Variants in CARM1 observed in about 807,000 individuals in gnomAD.
CARM1 encodes the protein histone-arginine methyltransferase CARM1.
In CARM1, 14 loss-of-function variants were observed where a neutral mutation model predicts 72.7. The ratio of observed to expected loss-of-function variants is 0.19; its 90% confidence interval spans 0.13 to 0.30. The LOEUF (loss-of-function observed/expected upper bound fraction) is 0.30. CARM1 is among the 10% of genes least tolerant of loss of function. The probability of loss-of-function intolerance (pLI) is 1.00; values close to 1 mark genes in which losing one functional copy is unlikely to be tolerated. For synonymous variants in CARM1, 333 were observed against 345.5 expected (o/e 0.96, Z 0.40); for missense variants, 432 against 833.7 (o/e 0.52, Z 5.93).
intron 1 of CARM1, among the ~76,000 whole-genome samples, chr19:10,894,432 T>C (rs1031635445): frequency 1.3e-5 from 2 of 152,138 alleles, no homozygotes; most frequent in Admixed American, 1.3e-4. Context: ...TCCCTCTTTT[T>C]ACCTAACTCT....
At chr19:10,899,040 T>TTG (rs1555725986) in intron 1 of CARM1, among the ~76,000 whole-genome samples, 4 of 150,822 alleles carry the variant, frequency 2.7e-5, no homozygotes, top group African/African-American at 7.3e-5. Context: ...CTTGTTTTTT[T>TTG]TTTTTTTTTT....
intron 1 of CARM1, among the ~76,000 whole-genome samples, chr19:10,876,407 C>G (rs1321299703): frequency 6.6e-6 from 1 of 152,204 alleles, no homozygotes; most frequent in Non-Finnish European, 1.5e-5. Context: ...AGGAGGAGCC[C>G]CCTATGCTCC....
intron 1 of CARM1, among the ~76,000 whole-genome samples, chr19:10,890,214 C>T (rs1225218763): frequency 2.0e-5 from 3 of 151,650 alleles, no homozygotes; most frequent in Non-Finnish European, 4.4e-5. Flanking sequence ...TAGGGAGACC[C>T]TGTCTCTACA....
At chr19:10,894,688 C>A (rs886258646) in intron 1 of CARM1, among the ~76,000 whole-genome samples, 2 of 150,820 alleles carry the variant, frequency 1.3e-5, no homozygotes, top group African/African-American at 2.4e-5. Context: ...GCTGCTGCTG[C>A]TTTTCTTCTT....
In CARM1 at chr19:10,915,880, C is replaced by T. The variant is rs974202206; in HGVS notation, c.848-527C>T. On this transcript the variant is annotated intron_variant, in intron 6 of 15. Coordinates refer to ENST00000327064, the MANE Select transcript of CARM1 (RefSeq NM_199141.2). The surrounding 1 kb of genome is among the most constrained non-coding windows in gnomAD (Gnocchi z 4.6). ...AGGCAGGCCAAGTGGCCCATCCTGCCGGCTGGGTGCCTGTGCCAGAACCTA... is the reference window on the plus strand; with the variant it reads ...AGGCAGGCCAAGTGGCCCATCCTGCTGGCTGGGTGCCTGTGCCAGAACCTA... Among the ~76,000 whole-genome samples the T allele has an allele frequency of 4.6e-5, 7 of 152,190 alleles. No homozygotes were observed. Among genetic ancestry groups the T allele is most frequent in the East Asian group, 1.9e-4 (1 of 5,184 alleles).
Position 10,916,326 on chromosome 19 carries a change from T to C in CARM1, c.848-81T>C. 1 of 927,884 alleles carries C rather than the reference T, an allele frequency of 1.1e-6. No homozygotes were observed. The highest frequency in any genetic ancestry group is 1.7e-6 in the Non-Finnish European group (1 of 572,494). The allele number at this position is 927,884 out of a possible 1,614,324, so 57.5% of individuals were successfully genotyped here. A position where few individuals can be genotyped will look rare whatever the true frequency, so the allele number is the denominator to read the frequency against. On this transcript the variant is annotated intron_variant, in intron 6 of 15. Coordinates refer to ENST00000327064, the MANE Select transcript of CARM1 (RefSeq NM_199141.2). The surrounding 1 kb of genome is among the most constrained non-coding windows in gnomAD (Gnocchi z 4.4). Reference sequence around the variant, plus strand: ...GGCTGGGAGCACCCAGGGTTGGGGGTCTTGGGGTCCTTTGGAAGCTCTGCC... The same window carrying C: ...GGCTGGGAGCACCCAGGGTTGGGGGCCTTGGGGTCCTTTGGAAGCTCTGCC...
chr19:10,904,636 C>T (rs576334794), intron 1 of CARM1, among the ~76,000 whole-genome samples: 3 of 152,250 alleles, frequency 2.0e-5, no homozygotes, highest in Non-Finnish European at 4.4e-5. Context: ...GAGGCAGCTC[C>T]AGCTCTGAGT....
chr19:10,903,849 C>T (rs2074083841), intron 1 of CARM1, among the ~76,000 whole-genome samples: 1 of 152,156 alleles, frequency 6.6e-6, no homozygotes. Flanking sequence ...ACAACAGGCG[C>T]ATGCCACCAT....
At chr19:10,890,273 T>G (rs1052828121) in intron 1 of CARM1, among the ~76,000 whole-genome samples, 49 of 150,574 alleles carry the variant, frequency 3.3e-4, no homozygotes, top group African/African-American at 1.0e-3. Flanking sequence ...TTGTTTGTTT[T>G]TTTTTTTTTT....
At chr19:10,909,640 G>A (rs1247977402) in intron 4 of CARM1, among the ~76,000 whole-genome samples, 2 of 152,118 alleles carry the variant, frequency 1.3e-5, no homozygotes, top group East Asian at 3.9e-4. Flanking sequence ...AGGAGGCTGA[G>A]GCAGGTGAAT....
At chr19:10,900,096 C>T (rs543320278) in intron 1 of CARM1, among the ~76,000 whole-genome samples, 59 of 152,070 alleles carry the variant, frequency 3.9e-4, no homozygotes, top group African/African-American at 1.4e-3. Context: ...TCACTTGAGC[C>T]CCAGGAGTTT....
rs1314039814 is a variant in CARM1, at chr19:10,912,422, T to G, written c.669+128T>G. On this transcript the variant is annotated intron_variant, in intron 5 of 15. Transcript: ENST00000327064. This position sits in a 1 kb window ranked among gnomAD's most constrained non-coding sequence, Gnocchi z 4.5. ...TACTTCTGTGCTTTGGTCTCTTTATTGTCCCCAAGACAGTCATTTCAGGGA... is the reference window on the plus strand; with the variant it reads ...TACTTCTGTGCTTTGGTCTCTTTATGGTCCCCAAGACAGTCATTTCAGGGA... The G allele has an allele frequency of 1.5e-6, 1 of 681,518 alleles. No homozygotes were observed. The highest frequency in any genetic ancestry group is 1.8e-5 in the African/African-American group (1 of 56,316). The allele number at this position is 681,518 out of a possible 1,614,324, so 42.2% of individuals were successfully genotyped here.
chr19:10,877,147 A>G (rs1322028415), intron 1 of CARM1, among the ~76,000 whole-genome samples: 1 of 152,098 alleles, frequency 6.6e-6, no homozygotes, highest in Non-Finnish European at 1.5e-5. Context: ...GGGCAGGGGT[A>G]TAGAAGAGCT....
At chr19:10,904,244 G>C (rs2074086905) in intron 1 of CARM1, among the ~76,000 whole-genome samples, 1 of 152,224 alleles carries the variant, frequency 6.6e-6, no homozygotes, top group South Asian at 2.1e-4. Flanking sequence ...TTTTTGCCAA[G>C]AATACTACAG....
At chr19:10,875,061 T>C (rs967507748) in intron 1 of CARM1, among the ~76,000 whole-genome samples, 1 of 149,032 alleles carries the variant, frequency 6.7e-6, no homozygotes, top group Non-Finnish European at 1.5e-5. Flanking sequence ...GAGTTGGAGG[T>C]GATCAGTGCT....
At chr19:10,885,220 C>G (rs2073932618) in intron 1 of CARM1, among the ~76,000 whole-genome samples, 1 of 152,208 alleles carries the variant, frequency 6.6e-6, no homozygotes, top group Non-Finnish European at 1.5e-5. Context: ...GCGGGGCATT[C>G]TTGTAAACAG....
intron 1 of CARM1, among the ~76,000 whole-genome samples, chr19:10,877,992 T>C (rs2073876122): frequency 6.6e-6 from 1 of 152,126 alleles, no homozygotes; most frequent in African/African-American, 2.4e-5. Flanking sequence ...CAAGCACATG[T>C]CACCACCCTT....
chr19:10,918,476 G>A (rs1051011009), intron 8 of CARM1, among the ~76,000 whole-genome samples: 5 of 152,156 alleles, frequency 3.3e-5, no homozygotes, highest in Non-Finnish European at 5.9e-5. Context: ...GTCCGCCTCG[G>A]CCTCCCAAAG....
chr19:10,918,626 C>T (rs2074216666), intron 8 of CARM1, among the ~76,000 whole-genome samples: 1 of 152,152 alleles, frequency 6.6e-6, no homozygotes, highest in Admixed American at 6.5e-5. Context: ...ACTGAGTGTG[C>T]ACCGCCCACC....
Sources: gnomAD v4.1 joint callset for allele counts (sites outside exome capture counted in the v4.1 genomes callset) on GRCh38, gnomAD v4.1.1 for gene constraint, Gnocchi (gnomAD v3.1) non-coding constraint, MANE v1.5 for transcripts, NCBI Gene and HGNC (gene_info 2026-07-23, HGNC 2026-07-21) for gene names.